Variants in TLK1 observed in about 807,000 individuals in gnomAD.
TLK1 encodes the protein serine/threonine-protein kinase tousled-like 1.
TLK1 carries 24 observed loss-of-function variants against 105.3 expected under a neutral mutation model. That is an observed-to-expected ratio of 0.23 (90% confidence interval 0.17 to 0.32). The LOEUF (loss-of-function observed/expected upper bound fraction) is 0.32, where lower values mean the gene tolerates loss of function less well. TLK1 is among the 10% of genes least tolerant of loss of function. TLK1 has a pLI of 1.00. For missense variants in TLK1, 558 were observed against 910.5 expected (o/e 0.61, Z 4.98); for synonymous variants, 321 against 310.4 (o/e 1.03, Z -0.36).
rs547378000 is a variant in TLK1, at chr2:171,068,345, C to CA, written c.331-7190dup. On this transcript the variant is annotated intron_variant, in intron 3 of 20. Coordinates refer to ENST00000431350, the MANE Select transcript of TLK1 (RefSeq NM_012290.5). Reference sequence around the variant, plus strand: ...ACTCCGCCTCAAAAACAAAAACAAACAAAAAAAAGAAAGATGGGGTCTCGC... The same window carrying CA: ...ACTCCGCCTCAAAAACAAAAACAAACAAAAAAAAAGAAAGATGGGGTCTCGC... Among the ~76,000 whole-genome samples the CA allele has an allele frequency of 5.9e-5, 9 of 151,648 alleles. No homozygotes were observed. The South Asian group carries it at 1.7e-3, about 28-fold the overall frequency.
chr2:171,187,069 AAAAAAAAAAAAAAAGAAAAAGAAAAAG>A (rs1693040901), intron 1 of TLK1, among the ~76,000 whole-genome samples: 2 of 139,542 alleles, frequency 1.4e-5, no homozygotes, highest in African/African-American at 5.3e-5. Context: ...AAAAAAAAAA[AAAAAAAAAAAAAAAGAAAAAGAAAAAG>A]AAAAAGAAAA....
chr2:171,103,438 C>T (rs929317309), intron 2 of TLK1, among the ~76,000 whole-genome samples: 3 of 151,786 alleles, frequency 2.0e-5, no homozygotes, highest in East Asian at 1.9e-4. Flanking sequence ...CCACCATGTC[C>T]GGCTAATTTT....
At chr2:171,115,113 T>C (rs964988857) in intron 2 of TLK1, among the ~76,000 whole-genome samples, 1 of 151,870 alleles carries the variant, frequency 6.6e-6, no homozygotes, top group African/African-American at 2.4e-5. Context: ...CTTCTTGCCT[T>C]CCATTATCTT....
At chr2:171,123,021 A>G (rs1038170498) in intron 1 of TLK1, among the ~76,000 whole-genome samples, 1 of 151,086 alleles carries the variant, frequency 6.6e-6, no homozygotes, top group Non-Finnish European at 1.5e-5. Flanking sequence ...CCTGGGTGAC[A>G]AGAGAAGACC....
chr2:171,212,935 A>AAATGTATTACAAAATGTATTT (rs1371529883), intron 1 of TLK1, among the ~76,000 whole-genome samples: 1 of 152,122 alleles, frequency 6.6e-6, no homozygotes, highest in Non-Finnish European at 1.5e-5. Context: ...TAACATGAAA[A>AAATGTATTACAAAATGTATTT]AACTTGTTTT....
intron 11 of TLK1, chr2:171,045,640 A>T (rs6750849): frequency 0.32 from 48,796 of 151,748 alleles, 8,183 homozygotes; most frequent in Non-Finnish European, 0.35. Flanking sequence ...ATCATGGTCT[A>T]TATTATTATT....
At chr2:171,146,387 C>T (rs1488067779) in intron 1 of TLK1, among the ~76,000 whole-genome samples, 13 of 152,076 alleles carry the variant, frequency 8.5e-5, no homozygotes, top group South Asian at 2.1e-4. Flanking sequence ...AGGTGCCTCT[C>T]TCAAACCTTG....
chr2:171,070,845 C>T (rs1280552804), intron 3 of TLK1, among the ~76,000 whole-genome samples: 3 of 152,172 alleles, frequency 2.0e-5, no homozygotes, highest in Non-Finnish European at 4.4e-5. Context: ...GAGGAACCTC[C>T]GAACTGTTCT....
At chr2:171,221,259 A>T (rs1023146868) in intron 1 of TLK1, among the ~76,000 whole-genome samples, 1 of 152,190 alleles carries the variant, frequency 6.6e-6, no homozygotes, top group African/African-American at 2.4e-5. Flanking sequence ...ACGGTGGCCC[A>T]CTTTTCATCT....
chr2:170,993,682 A>AAAAG lies in TLK1; in HGVS notation c.*97_*98insCTTT. 1 of 952,398 alleles carries AAAAG rather than the reference A, an allele frequency of 1.0e-6. No homozygotes were observed. The allele number at this position is 952,398 out of a possible 1,614,324, so 59.0% of individuals were successfully genotyped here. On this transcript the variant is annotated 3_prime_UTR_variant, in exon 21 of 21. Coordinates refer to ENST00000431350, the MANE Select transcript of TLK1 (RefSeq NM_012290.5). ...CACGTCTTGTGTAAAAAAAAAAAAA[A>AAAAG]AAAAAAAAGAAAAAGAAAACAAACA... is the stretch of plus-strand genomic sequence containing the variant.
chr2:171,150,385 T>A (rs1219467642), intron 1 of TLK1, among the ~76,000 whole-genome samples: 1 of 152,216 alleles, frequency 6.6e-6, no homozygotes, highest in African/African-American at 2.4e-5. Context: ...AATGATTCGC[T>A]ATAGTTGTTT....
chr2:170,995,541 C>A (rs4668365), intron 20 of TLK1, among the ~76,000 whole-genome samples: 148,008 of 152,186 alleles, frequency 0.97, 72,076 homozygotes, highest in East Asian at 1. Flanking sequence ...CAGTATTAAA[C>A]AAACAGATCA....
intron 1 of TLK1, among the ~76,000 whole-genome samples, chr2:171,183,878 T>C (rs1406161890): frequency 6.6e-6 from 1 of 152,206 alleles, no homozygotes; most frequent in Non-Finnish European, 1.5e-5. Flanking sequence ...TCACCTGTAG[T>C]AGGCAGAATA....
chr2:171,178,895 T>A (rs939774034), intron 1 of TLK1, among the ~76,000 whole-genome samples: 1 of 152,238 alleles, frequency 6.6e-6, no homozygotes, highest in African/African-American at 2.4e-5. Flanking sequence ...CTTACACAGA[T>A]GACTATTAAA....
chr2:171,071,906 T>C (rs1296561874), intron 3 of TLK1, among the ~76,000 whole-genome samples: 2 of 152,234 alleles, frequency 1.3e-5, no homozygotes, highest in Non-Finnish European at 2.9e-5. Flanking sequence ...TATGGATTGC[T>C]ATCTGGATTC....
chr2:171,069,577 C>T (rs1385741407), intron 3 of TLK1, among the ~76,000 whole-genome samples: 1 of 152,080 alleles, frequency 6.6e-6, no homozygotes, highest in African/African-American at 2.4e-5. Flanking sequence ...GGACAGGAAC[C>T]CCACCCCTCA....
intron 10 of TLK1, 135 bp from the exon 11 acceptor site, chr2:171,046,497 C>A: frequency 1.1e-6 from 1 of 944,592 alleles, no homozygotes; most frequent in South Asian, 2.5e-5. Context: ...TCTTGTGAAC[C>A]AATTTGTACT....
At chr2:171,188,515 C>A (rs1226867813) in intron 1 of TLK1, among the ~76,000 whole-genome samples, 2 of 152,068 alleles carry the variant, frequency 1.3e-5, no homozygotes, top group African/African-American at 4.8e-5. Flanking sequence ...ACAAGTCTGG[C>A]CAACATAGTG....
chr2:171,006,366 C>A, intron 17 of TLK1, 84 bp from the exon 18 acceptor site: 1 of 1,472,604 alleles, frequency 6.8e-7, no homozygotes, highest in Non-Finnish European at 9.1e-7. Context: ...TAGTATTTTA[C>A]TGATGTCTTA....
Sources: allele counts gnomAD v4.1 joint callset (sites outside exome capture counted in the v4.1 genomes callset), GRCh38; gene constraint gnomAD v4.1.1; transcripts MANE v1.5; gene names NCBI Gene and HGNC (gene_info 2026-07-23, HGNC 2026-07-21).